HYDIN: variants seen among roughly 807,000 people sequenced by gnomAD.
HYDIN encodes the protein HYDIN axonemal central pair apparatus protein.
In HYDIN, 132 loss-of-function variants were observed where a neutral mutation model predicts 403.9. The observed-to-expected ratio is 0.33, with a 90% CI of 0.28 to 0.38. The LOEUF (loss-of-function observed/expected upper bound fraction) is 0.38, where lower values mean the gene tolerates loss of function less well. Among genes scored for constraint, HYDIN ranks in the 10% least tolerant of loss-of-function variants. The pLI is 1.00. For synonymous variants in HYDIN, 1,202 were observed against 1,891.7 expected (o/e 0.64, Z 9.46); for missense variants, 2,827 against 5,009.5 (o/e 0.56, Z 13.15).
chr16:71,180,057 G>A (rs1240713482), intron 3 of HYDIN, among the ~76,000 whole-genome samples: 1 of 151,986 alleles, frequency 6.6e-6, no homozygotes, highest in African/African-American at 2.4e-5. Flanking sequence ...TGAAATAAAA[G>A]TAACTATACT....
chr16:71,108,767 G>T (rs1005617092), intron 10 of HYDIN, among the ~76,000 whole-genome samples: 2 of 151,660 alleles, frequency 1.3e-5, no homozygotes, highest in African/African-American at 4.9e-5. Flanking sequence ...TCCAACATGG[G>T]TCTCACTGGG....
chr16:70,932,408 ATTTTTGAGCACC>A (rs1209289741), intron 45 of HYDIN, among the ~76,000 whole-genome samples: 1 of 151,966 alleles, frequency 6.6e-6, no homozygotes, highest in East Asian at 1.9e-4. Context: ...TAAAACAAAT[ATTTTTGAGCACC>A]TTTCTGCCAG....
At chr16:71,208,776 T>C (rs1340615012) in intron 1 of HYDIN, among the ~76,000 whole-genome samples, 2 of 151,508 alleles carry the variant, frequency 1.3e-5, no homozygotes, top group Non-Finnish European at 3.0e-5. Flanking sequence ...CCTTTATGCA[T>C]ACAAATTAGA....
intron 1 of HYDIN, among the ~76,000 whole-genome samples, chr16:71,197,682 C>T (rs1567440445): frequency 2.0e-5 from 3 of 152,192 alleles, no homozygotes; most frequent in Non-Finnish European, 2.9e-5. Context: ...TAGACGCTCT[C>T]TCCCCATTAA....
At chr16:70,940,265 C>T (rs2143876126) in intron 43 of HYDIN, among the ~76,000 whole-genome samples, 1 of 150,794 alleles carries the variant, frequency 6.6e-6, no homozygotes, top group East Asian at 2.0e-4. Context: ...CTCACACCTC[C>T]CTAGCACAGC....
chr16:70,842,070 T>C (rs961655607), intron 75 of HYDIN, among the ~76,000 whole-genome samples: 1 of 150,856 alleles, frequency 6.6e-6, no homozygotes, highest in Non-Finnish European at 1.5e-5. Flanking sequence ...ACGATTTCAA[T>C]CCTTTTAATT....
chr16:71,180,198 T>C (rs1451583275), intron 3 of HYDIN, among the ~76,000 whole-genome samples: 3 of 151,990 alleles, frequency 2.0e-5, no homozygotes, highest in Non-Finnish European at 4.4e-5. Context: ...ATGGGAATAT[T>C]ACAATAGAAC....
At chr16:71,141,253 A>C (rs1597870978) in intron 7 of HYDIN, among the ~76,000 whole-genome samples, 1 of 151,546 alleles carries the variant, frequency 6.6e-6, no homozygotes, top group East Asian at 1.9e-4. Context: ...TGTAAAAAAA[A>C]AAAAAGTATT....
At chr16:70,856,898 C>T (rs1490486957) in intron 72 of HYDIN, among the ~76,000 whole-genome samples, 1 of 152,136 alleles carries the variant, frequency 6.6e-6, no homozygotes. Flanking sequence ...TATGCAACAC[C>T]ACATTGGTGG....
intron 39 of HYDIN, among the ~76,000 whole-genome samples, chr16:70,958,090 C>G (rs2078297542): frequency 6.6e-6 from 1 of 151,178 alleles, no homozygotes; most frequent in Non-Finnish European, 1.5e-5. Context: ...GTATACGTTC[C>G]AAATGAGGTG....
Position 70,862,103 on chromosome 16 carries a change from T to G in HYDIN, c.11722A>C (p.Lys3908Gln). 1 of 1,611,380 alleles carries G rather than the reference T, an allele frequency of 6.2e-7. No individual in the cohort carries two copies. Among genetic ancestry groups the G allele is most frequent in the Non-Finnish European group, 8.5e-7 (1 of 1,178,806 alleles). ...ATGTCCAACGGGGAGAATTTTACTTTGAACTTCTGAATCTTCCCCACCGGC... is the reference window on the plus strand; with the variant it reads ...ATGTCCAACGGGGAGAATTTTACTTGGAACTTCTGAATCTTCCCCACCGGC... ...IVPVGKIQKF[K>Q]VKFSPLDIGD... is the part of the protein sequence containing the mutation. Residue 3908 changes from lysine (K) to glutamine (Q), a missense_variant, in exon 69 of 86, where the codon AAA becomes CAA. By Grantham distance (53) the Lys-to-Gln change is moderately conservative. Transcript: ENST00000393567.
intron 1 of HYDIN, among the ~76,000 whole-genome samples, chr16:71,198,548 G>C (rs1010969934): frequency 6.6e-5 from 10 of 152,118 alleles, no homozygotes; most frequent in African/African-American, 2.4e-4. Flanking sequence ...TCTGGGCTCT[G>C]TTCTACTAGC....
intron 67 of HYDIN, among the ~76,000 whole-genome samples, chr16:70,864,097 A>C (rs1328193057): frequency 6.6e-6 from 1 of 152,154 alleles, no homozygotes; most frequent in Non-Finnish European, 1.5e-5. Flanking sequence ...TTGAGAGGCC[A>C]GGGCAGGTGG....
At chr16:70,877,593 T>A (rs1474563755) in intron 62 of HYDIN, among the ~76,000 whole-genome samples, 5 of 152,150 alleles carry the variant, frequency 3.3e-5, no homozygotes. Context: ...TAGATTCTTA[T>A]AAGGAGCACG....
intron 18 of HYDIN, among the ~76,000 whole-genome samples, chr16:71,059,743 T>C (rs2082020441): frequency 1.3e-5 from 2 of 152,146 alleles, no homozygotes; most frequent in Admixed American, 1.3e-4. Flanking sequence ...AATTTACCCG[T>C]GTAACAAACC....
At chr16:70,836,127 C>A (rs1336950116) in intron 77 of HYDIN, among the ~76,000 whole-genome samples, 4 of 152,124 alleles carry the variant, frequency 2.6e-5, no homozygotes, top group Admixed American at 6.5e-5. Context: ...GCTCAGGGGG[C>A]CTTTCCGAAG....
intron 60 of HYDIN, among the ~76,000 whole-genome samples, chr16:70,882,148 C>T (rs1158218689): frequency 1.3e-5 from 2 of 152,204 alleles, no homozygotes; most frequent in African/African-American, 4.8e-5. Flanking sequence ...CTCAGTTTCC[C>T]TAACTGTAGA....
At chr16:70,950,463 G>A (rs1383894991) in intron 41 of HYDIN, among the ~76,000 whole-genome samples, 1 of 151,438 alleles carries the variant, frequency 6.6e-6, no homozygotes, top group East Asian at 1.9e-4. Context: ...TCATCACGTT[G>A]GCCAGGCTGG....
At chr16:70,906,161 A>G (rs1445174453) in intron 50 of HYDIN, among the ~76,000 whole-genome samples, 2 of 152,240 alleles carry the variant, frequency 1.3e-5, no homozygotes, top group Non-Finnish European at 2.9e-5. Context: ...AAAAAAAACT[A>G]GAATTGCTAA....
Sources: gnomAD v4.1 joint callset for allele counts (sites outside exome capture counted in the v4.1 genomes callset) on GRCh38, gnomAD v4.1.1 for gene constraint, MANE v1.5 for transcripts, NCBI Gene and HGNC (gene_info 2026-07-23, HGNC 2026-07-21) for gene names.